LIMCH1: variants seen among roughly 807,000 people sequenced by gnomAD.
LIMCH1 encodes the protein LIM and calponin homology domains-containing protein 1.
LIMCH1 carries 113 observed loss-of-function variants against 176.5 expected under a neutral mutation model. The ratio of observed to expected loss-of-function variants is 0.64; its 90% CI spans 0.55 to 0.75. LIMCH1 has a LOEUF of 0.75. Ranked by LOEUF, LIMCH1 falls within the 30% of genes least tolerant of loss-of-function variation. The pLI, the probability that LIMCH1 is intolerant of heterozygous loss-of-function variation, is 0.00. For synonymous variants in LIMCH1, 619 were observed against 645.9 expected (o/e 0.96, Z 0.63); for missense variants, 1,674 against 1,814.9 (o/e 0.92, Z 1.41).
At chr4:41,371,971 C>T (rs909231910) in intron 1 of LIMCH1, among the ~76,000 whole-genome samples, 2 of 152,198 alleles carry the variant, frequency 1.3e-5, no homozygotes, top group African/African-American at 4.8e-5. Context: ...TTTTTATTAA[C>T]ACTTGCGTAT....
At chr4:41,530,134 C>T (rs1253462101) in intron 3 of LIMCH1, among the ~76,000 whole-genome samples, 1 of 152,136 alleles carries the variant, frequency 6.6e-6, no homozygotes, top group African/African-American at 2.4e-5. Context: ...CGAGTGAGAT[C>T]AGAGTAGGGG....
chr4:41,553,278 C>T (rs1186937037), intron 1 of LIMCH1, among the ~76,000 whole-genome samples: 1 of 152,132 alleles, frequency 6.6e-6, no homozygotes, highest in Non-Finnish European at 1.5e-5. Flanking sequence ...GGGAGGCAGA[C>T]AATTTCAGTT....
At chr4:41,542,932 G>A (rs955655992) in intron 1 of LIMCH1, among the ~76,000 whole-genome samples, 1 of 152,166 alleles carries the variant, frequency 6.6e-6, no homozygotes, top group East Asian at 1.9e-4. Flanking sequence ...TATCTGTTTC[G>A]ATGCTGGCAA....
chr4:41,556,294 C>G (rs926690398), intron 1 of LIMCH1, among the ~76,000 whole-genome samples: 1 of 148,836 alleles, frequency 6.7e-6, no homozygotes, highest in African/African-American at 2.5e-5. Context: ...ATTTGAGAGG[C>G]TGAGGTAGGA....
At chr4:41,360,110 GCA>G (rs1281149673), upstream of LIMCH1, among the ~76,000 whole-genome samples, 1 of 152,004 alleles carries the variant, frequency 6.6e-6, no homozygotes, top group Admixed American at 6.6e-5. The surrounding 1 kb of genome is among the most constrained non-coding windows in gnomAD (Gnocchi z 4.5). Context: ...CATAGTAGGT[GCA>G]CAGTGACTGT....
chr4:41,451,701 T>C (rs1007648424), intron 1 of LIMCH1, among the ~76,000 whole-genome samples: 2 of 152,224 alleles, frequency 1.3e-5, no homozygotes, highest in Non-Finnish European at 2.9e-5. Context: ...ACCTTTGCAA[T>C]TCACAGATTT....
intron 14 of LIMCH1, 123 bp from the exon 15 acceptor site, chr4:41,644,377 A>T: frequency 3.1e-6 from 4 of 1,270,528 alleles, no homozygotes; most frequent in Non-Finnish European, 4.2e-6. Flanking sequence ...CGCTGTGCGC[A>T]GCCCGGGAAG....
chr4:41,378,241 A>G (rs2055074144), intron 1 of LIMCH1, among the ~76,000 whole-genome samples: 1 of 152,206 alleles, frequency 6.6e-6, no homozygotes, highest in African/African-American at 2.4e-5. Flanking sequence ...CTTGTGTGCC[A>G]TGCCTGAGGG....
At chr4:41,396,129 A>G (rs1026676869) in intron 1 of LIMCH1, among the ~76,000 whole-genome samples, 4 of 152,182 alleles carry the variant, frequency 2.6e-5, no homozygotes, top group African/African-American at 9.7e-5. Context: ...GTGGGGCCGG[A>G]TCTGTAGGAT....
chr4:41,663,201 T>A (rs2094694059), intron 20 of LIMCH1, among the ~76,000 whole-genome samples: 1 of 150,970 alleles, frequency 6.6e-6, no homozygotes, highest in Non-Finnish European at 1.5e-5. Flanking sequence ...TTGCCCAGGC[T>A]GGAGTGCAGC....
intron 2 of LIMCH1, among the ~76,000 whole-genome samples, chr4:41,506,913 A>T (rs2154182032): frequency 6.6e-6 from 1 of 152,298 alleles, no homozygotes; most frequent in Non-Finnish European, 1.5e-5. Flanking sequence ...GCTCAGTCCC[A>T]CAAGACTGCC....
At chr4:41,614,926 T>C (rs1391236174) in intron 5 of LIMCH1, among the ~76,000 whole-genome samples, 1 of 152,230 alleles carries the variant, frequency 6.6e-6, no homozygotes, top group Non-Finnish European at 1.5e-5. Context: ...GCCTAATAGA[T>C]GTTTTATTCT....
rs1249601334 is a variant in LIMCH1, at chr4:41,650,384, C to T, written c.2821-9C>T. On this transcript the variant is annotated splice_polypyrimidine_tract_variant and intron_variant, in intron 17 of 31. Transcript: ENST00000503057. The stretch of plus-strand genomic sequence containing the variant: ...ATAGCATGTTTTTTGTTCATTCTGG[C>T]TTTTATAGGTAGACGGGAAAGTCAG... 2 of 1,610,572 alleles carry T rather than the reference C, an allele frequency of 1.2e-6. No individual in the cohort carries two copies. The highest frequency in any genetic ancestry group is 4.5e-5 in the East Asian group (2 of 44,856).
chr4:41,598,372 C>T (rs1386877598), intron 1 of LIMCH1, among the ~76,000 whole-genome samples: 1 of 151,816 alleles, frequency 6.6e-6, no homozygotes, highest in Non-Finnish European at 1.5e-5. Context: ...TTTCTCATTT[C>T]GATTGTCTAG....
chr4:41,483,530 G>C (rs1400929121), intron 1 of LIMCH1, among the ~76,000 whole-genome samples: 1 of 152,090 alleles, frequency 6.6e-6, no homozygotes, highest in Admixed American at 6.6e-5. Flanking sequence ...CCATCTTCTG[G>C]GTTGTCTCTT....
intron 5 of LIMCH1, among the ~76,000 whole-genome samples, chr4:41,614,003 G>T (rs933579949): frequency 6.6e-6 from 1 of 152,192 alleles, no homozygotes; most frequent in Non-Finnish European, 1.5e-5. Flanking sequence ...TATACTCTGG[G>T]CATGAGGAAG....
intron 1 of LIMCH1, among the ~76,000 whole-genome samples, chr4:41,487,711 T>C (rs746141998): frequency 1.3e-4 from 18 of 142,070 alleles, no homozygotes; most frequent in Non-Finnish European, 2.5e-4. Context: ...CAGGCTGGAG[T>C]GCAGTGGTGT....
chr4:41,398,610 C>A (rs965752948), intron 1 of LIMCH1, among the ~76,000 whole-genome samples: 1 of 152,126 alleles, frequency 6.6e-6, no homozygotes, highest in Non-Finnish European at 1.5e-5. Context: ...TGCATCTGAA[C>A]TGAAATCTGA....
chr4:41,690,398 TA>T (rs1724569340), intron 30 of LIMCH1, among the ~76,000 whole-genome samples: 3 of 152,204 alleles, frequency 2.0e-5, no homozygotes, highest in Non-Finnish European at 4.4e-5. Context: ...TGGTAATAAG[TA>T]GGTGAGTTAA....
Sources: allele counts gnomAD v4.1 joint callset (sites outside exome capture counted in the v4.1 genomes callset), GRCh38; gene constraint gnomAD v4.1.1; non-coding constraint Gnocchi (gnomAD v3.1); transcripts MANE v1.5; gene names NCBI Gene and HGNC (gene_info 2026-07-23, HGNC 2026-07-21).